The following SMURF2 variants were observed in gnomAD, a reference collection of about 807,000 sequenced individuals.
The protein encoded by SMURF2 is SMAD specific E3 ubiquitin protein ligase 2.
SMURF2 carries 48 observed loss-of-function variants against 109.6 expected under a neutral mutation model. The ratio of observed to expected loss-of-function variants is 0.44; its 90% CI spans 0.35 to 0.56. The LOEUF is 0.56. Ranked by LOEUF, SMURF2 falls within the 20% of genes least tolerant of loss-of-function variation. SMURF2 has a pLI of 0.01. For synonymous variants in SMURF2, 288 were observed against 317.1 expected, an observed-to-expected ratio of 0.91 and a Z score of 0.97; for missense variants, 575 against 909.0, an observed-to-expected ratio of 0.63 and a Z score of 4.72.
At chr17:64,623,272 G>A (rs1253130425) in intron 1 of SMURF2, among the ~76,000 whole-genome samples, 1 of 152,110 alleles carries the variant, frequency 6.6e-6, no homozygotes, top group Admixed American at 6.5e-5. Context: ...ACCTTCACTA[G>A]ATCATTAAGT....
At chr17:64,608,331 TA>T (rs1171560992) in intron 1 of SMURF2, among the ~76,000 whole-genome samples, 1 of 152,128 alleles carries the variant, frequency 6.6e-6, no homozygotes, top group Non-Finnish European at 1.5e-5. Flanking sequence ...ATGTCATCAC[TA>T]AATAAATAAA....
At chr17:64,613,848 T>G (rs1007120226) in intron 1 of SMURF2, among the ~76,000 whole-genome samples, 2 of 151,604 alleles carry the variant, frequency 1.3e-5, no homozygotes, top group African/African-American at 4.9e-5. Context: ...TAATATATAA[T>G]AGAATAATTA....
At chr17:64,576,771 GA>G (rs1163160970) in intron 9 of SMURF2, among the ~76,000 whole-genome samples, 16 of 149,578 alleles carry the variant, frequency 1.1e-4, no homozygotes, top group African/African-American at 3.4e-4. Flanking sequence ...ATTTTTCAAA[GA>G]TTTTTTTTTA....
chr17:64,599,252 G>T (rs2144664327), intron 2 of SMURF2, among the ~76,000 whole-genome samples: 1 of 152,236 alleles, frequency 6.6e-6, no homozygotes, highest in African/African-American at 2.4e-5. Flanking sequence ...CTAGCCCAAG[G>T]TCACAGAGTA....
chr17:64,566,561 G>GTTTTGTTTTTTTTTTT (rs1969306410), intron 10 of SMURF2, among the ~76,000 whole-genome samples: 1 of 43,784 alleles, frequency 2.3e-5, no homozygotes, highest in Non-Finnish European at 4.2e-5. Flanking sequence ...AAGCTTTCTG[G>GTTTTGTTTTTTTTTTT]TTTTTTTTTT....
chr17:64,577,632 G>A (rs1969514105), intron 9 of SMURF2, among the ~76,000 whole-genome samples: 1 of 150,214 alleles, frequency 6.7e-6, no homozygotes, highest in East Asian at 1.9e-4. Flanking sequence ...GTCTTGCTCT[G>A]TCATCCAGGC....
At chr17:64,659,441 C>G (rs1225195532) in intron 1 of SMURF2, among the ~76,000 whole-genome samples, 1 of 151,610 alleles carries the variant, frequency 6.6e-6, no homozygotes, top group African/African-American at 2.4e-5. Flanking sequence ...TTAGGCAACC[C>G]AGATCTAAAT....
chr17:64,586,966 C>T (rs1969670758), intron 5 of SMURF2, among the ~76,000 whole-genome samples: 1 of 151,990 alleles, frequency 6.6e-6, no homozygotes, highest in African/African-American at 2.4e-5. Context: ...GAGATCGAGA[C>T]TAGCCTGGCA....
In SMURF2 at chr17:64,634,690, T is replaced by C. The variant is rs562494901; in HGVS notation, c.52+27139A>G. Among the ~76,000 whole-genome samples, 11 of 152,332 alleles carry C rather than the reference T, an allele frequency of 7.2e-5. No homozygotes were observed. In the South Asian group the frequency reaches 2.3e-3, roughly 32 times the overall value. The stretch of plus-strand genomic sequence containing the variant: ...TTTCTGCTCTTGCAGATTTATGCTG[T>C]TTTCATTCTCTTACTCACTGTGAAT... On this transcript the variant is annotated intron_variant, in intron 1 of 18. Transcript: ENST00000262435.
At chr17:64,608,260 A>G (rs967994878) in intron 1 of SMURF2, among the ~76,000 whole-genome samples, 5 of 152,082 alleles carry the variant, frequency 3.3e-5, no homozygotes, top group Non-Finnish European at 7.4e-5. Flanking sequence ...CTTGGGAATG[A>G]ATCTAAATAA....
In SMURF2 at chr17:64,656,031, G is replaced by A. The variant is rs191723414; in HGVS notation, c.52+5798C>T. On this transcript the variant is annotated intron_variant, in intron 1 of 18. Coordinates refer to ENST00000262435, the MANE Select transcript of SMURF2 (RefSeq NM_022739.4). ...AAAGATACTACATCACTGTGGAAAG[G>A]AAGAATTGGTTAATAAATAATGACA... 1.9e-3 allele frequency among the ~76,000 whole-genome samples: 292 copies of A among 152,296 alleles called. 1 individual carries two copies. The highest frequency in any genetic ancestry group is 6.7e-3 in the African/African-American group (279 of 41,570).
At chr17:64,556,627 A>G (rs1174126515) in intron 13 of SMURF2, among the ~76,000 whole-genome samples, 1 of 152,226 alleles carries the variant, frequency 6.6e-6, no homozygotes, top group Non-Finnish European at 1.5e-5. Flanking sequence ...GCAGTCAATG[A>G]GTCTGGGCTA....
intron 1 of SMURF2, among the ~76,000 whole-genome samples, chr17:64,610,696 G>A (rs932041417): frequency 9.2e-5 from 14 of 152,196 alleles, no homozygotes; most frequent in African/African-American, 2.9e-4. Context: ...CATGGTACAT[G>A]TATACCTATG....
chr17:64,608,054 T>C (rs1226091998), intron 1 of SMURF2, among the ~76,000 whole-genome samples: 3 of 150,980 alleles, frequency 2.0e-5, no homozygotes, highest in South Asian at 2.1e-4. Flanking sequence ...AATCTGCTTA[T>C]AGAGTCATAA....
chr17:64,542,360 G>A lies in SMURF2; in HGVS notation c.*3488C>T, dbSNP rs1968885743. ...CGACTTCGGCATGGGCACATACATA[G>A]TTAATTTTTAAAAACCATTTATACA... On this transcript the variant is annotated 3_prime_UTR_variant, in exon 19 of 19. Transcript: ENST00000262435. 6.6e-6 allele frequency: 1 copy of A among 152,106 alleles called. No homozygotes were observed. Among genetic ancestry groups the A allele is most frequent in the East Asian group, 1.9e-4 (1 of 5,200 alleles). 9.4% of individuals were successfully genotyped at this position (152,106 alleles called of 1,614,324 possible).
At position 64,611,425 on chromosome 17, in the gene SMURF2, C is replaced by T. The variant is rs1342817242; in HGVS notation, c.53-4785G>A. 9.9e-5 allele frequency among the ~76,000 whole-genome samples: 15 copies of T among 152,190 alleles called. 1 individual carries two copies. Among genetic ancestry groups the T allele is most frequent in the Admixed American group, 3.9e-4 (6 of 15,270 alleles). ...ACTCCAGGTCCACAAACCAAATATGCGTTCCCCCCAAAAATCACGTCTTCC... is the reference window on the plus strand; with the variant it reads ...ACTCCAGGTCCACAAACCAAATATGTGTTCCCCCCAAAAATCACGTCTTCC... On this transcript the variant is annotated intron_variant, in intron 1 of 18. Transcript: ENST00000262435.
At position 64,654,863 on chromosome 17, in the gene SMURF2, G is replaced by T. The variant is rs570785279; in HGVS notation, c.52+6966C>A. Among the ~76,000 whole-genome samples the T allele has an allele frequency of 2.6e-5, 4 of 151,978 alleles. No homozygotes were observed. In the East Asian group the frequency reaches 7.7e-4, roughly 29 times the overall value. On this transcript the variant is annotated intron_variant, in intron 1 of 18. Transcript: ENST00000262435. ...ATAATAATAAATAAATAAATATAGA[G>T]ATGAGGTCTCACTATGTTGCCCAGG...
chr17:64,621,409 G>A (rs550595122), intron 1 of SMURF2, among the ~76,000 whole-genome samples: 39 of 150,018 alleles, frequency 2.6e-4, no homozygotes, highest in African/African-American at 8.6e-4. Flanking sequence ...GCAAAATCCC[G>A]TCTCTACTAA....
At chr17:64,613,672 CAGTGTGTGTGTG>C (rs1325678943) in intron 1 of SMURF2, among the ~76,000 whole-genome samples, 29 of 53,688 alleles carry the variant, frequency 5.4e-4, no homozygotes, top group African/African-American at 2.1e-3. Flanking sequence ...TTCCACGGAC[CAGTGTGTGTGTG>C]TGTGTGTGTG....
Sources: gnomAD v4.1 joint callset for allele counts (sites outside exome capture counted in the v4.1 genomes callset) on GRCh38, gnomAD v4.1.1 for gene constraint, MANE v1.5 for transcripts, NCBI Gene and HGNC (gene_info 2026-07-23, HGNC 2026-07-21) for gene names.